DNAI1: variants seen among roughly 807,000 people sequenced by gnomAD.
DNAI1 encodes dynein axonemal intermediate chain 1.
In DNAI1, 67 loss-of-function variants were observed where a neutral mutation model predicts 92.0. The observed-to-expected ratio is 0.73, with a 90% confidence interval of 0.60 to 0.89. The LOEUF is 0.89. Ranked by LOEUF, DNAI1 falls within the 40% of genes least tolerant of loss-of-function variation. The pLI is 0.00. For synonymous variants in DNAI1, 323 were observed against 319.6 expected, an observed-to-expected ratio of 1.01 and a Z score of -0.11; for missense variants, 839 against 866.6, an observed-to-expected ratio of 0.97 and a Z score of 0.40.
At chr9:34,484,330 A>G (rs1275117845) in intron 2 of DNAI1, among the ~76,000 whole-genome samples, 1 of 152,242 alleles carries the variant, frequency 6.6e-6, no homozygotes, top group African/African-American at 2.4e-5. Context: ...AAATTCCTAC[A>G]TGTACAAATT....
intron 9 of DNAI1, 107 bp downstream of exon 9, chr9:34,493,435 T>C: frequency 2.1e-6 from 3 of 1,452,692 alleles, no homozygotes; most frequent in Non-Finnish European, 1.9e-6. Flanking sequence ...GATACTTAAA[T>C]CAGGGACTAA....
rs772104792 is a variant in DNAI1 at position 34,485,122 on chromosome 9, C to T, written c.82-20C>T. ...AAGCAGAAAAGACACTCCCAAGCCT[C>T]ATGTGAGGTTTTTGTCTAGGATGAA... On this transcript the variant is annotated intron_variant, in intron 2 of 19. Transcript: ENST00000242317. 4 of 1,613,260 alleles carry T rather than the reference C, an allele frequency of 2.5e-6. No individual in the cohort carries two copies. The highest frequency in any genetic ancestry group is 2.2e-5 in the East Asian group (1 of 44,894).
At chr9:34,509,447 T>C (rs1169366181) in intron 13 of DNAI1, among the ~76,000 whole-genome samples, 1 of 152,036 alleles carries the variant, frequency 6.6e-6, no homozygotes, top group Non-Finnish European at 1.5e-5. Flanking sequence ...GAGATTAATA[T>C]TAAAAAGAGA....
chr9:34,507,760 T>G (rs1234807149), intron 13 of DNAI1, among the ~76,000 whole-genome samples: 1 of 152,238 alleles, frequency 6.6e-6, no homozygotes. Flanking sequence ...GCTGGTTGCC[T>G]GCCCTCGGGT....
intron 9 of DNAI1, among the ~76,000 whole-genome samples, chr9:34,495,152 A>T (rs182645706): frequency 1.3e-5 from 2 of 152,368 alleles, no homozygotes; most frequent in African/African-American, 2.4e-5. Flanking sequence ...GATCTGAATA[A>T]TTAGGTAGGA....
Position 34,520,539 on chromosome 9 carries a change from T to C in DNAI1, c.2002-119T>C, listed in dbSNP as rs1402536245. The C allele has an allele frequency of 3.3e-6, 3 of 905,616 alleles. No homozygotes were observed. The African/African-American group carries it at 5.0e-5, about 15-fold the overall frequency. The allele number at this position is 905,616 out of a possible 1,614,324, so 56.1% of individuals were successfully genotyped here. The stretch of plus-strand genomic sequence containing the variant: ...GGAGAGGGGAGGCAGGGATCCAGAA[T>C]TTACTGGGCAGGGGAGGGGTAGGGC... On this transcript the variant is annotated intron_variant, in intron 19 of 19. Transcript: ENST00000242317.
At chr9:34,493,819 T>C (rs913905738) in intron 9 of DNAI1, among the ~76,000 whole-genome samples, 1 of 152,176 alleles carries the variant, frequency 6.6e-6, no homozygotes, top group Non-Finnish European at 1.5e-5. Flanking sequence ...CCATAAATGC[T>C]AGGCCAATGG....
At chr9:34,476,669 G>A (rs1444318456) in intron 1 of DNAI1, among the ~76,000 whole-genome samples, 2 of 152,182 alleles carry the variant, frequency 1.3e-5, no homozygotes, top group East Asian at 3.8e-4. Flanking sequence ...CATCATGGTT[G>A]GTAGTATTGA....
chr9:34,520,318 C>T lies in DNAI1; in HGVS notation c.2002-340C>T, dbSNP rs760188355. 3.3e-5 allele frequency among the ~76,000 whole-genome samples: 5 copies of T among 152,204 alleles called. 1 individual carries two copies. The highest frequency in any genetic ancestry group is 1.3e-4 in the Admixed American group (2 of 15,288). ...AGGATGGTGCCAGCAGTCAGCCCCC[C>T]GCCTTCGCAGAGCTGGATTTCCCTG... On this transcript the variant is annotated intron_variant, in intron 19 of 19. Transcript: ENST00000242317.
intron 10 of DNAI1, among the ~76,000 whole-genome samples, chr9:34,498,929 G>A (rs957528105): frequency 9.9e-5 from 15 of 152,194 alleles, no homozygotes; most frequent in East Asian, 1.9e-4. Context: ...CTCACACAGC[G>A]TGGCTTCTTG....
At chr9:34,483,336 C>T in intron 1 of DNAI1, 112 bp from the exon 2 acceptor site, 2 of 1,047,614 alleles carry the variant, frequency 1.9e-6, no homozygotes, top group South Asian at 2.7e-5. Context: ...ACGCTGTCAC[C>T]TCTCACTTTG....
At chr9:34,507,026 G>C in intron 13 of DNAI1, 152 bp downstream of exon 13, 1 of 1,242,412 alleles carries the variant, frequency 8.0e-7, no homozygotes, top group South Asian at 1.4e-5. Flanking sequence ...TCAGAAAAGG[G>C]CAGAAGGTGA....
intron 1 of DNAI1, among the ~76,000 whole-genome samples, chr9:34,467,170 T>A (rs749854563): frequency 3.9e-5 from 6 of 152,328 alleles, no homozygotes; most frequent in Non-Finnish European, 5.9e-5. Context: ...GGAAGGGGCC[T>A]CAGGGGCCTC....
chr9:34,513,023 C>G, intron 15 of DNAI1, 89 bp from the exon 16 acceptor site: 1 of 1,060,168 alleles, frequency 9.4e-7, no homozygotes, highest in East Asian at 2.4e-5. Context: ...CTGAGAGTGC[C>G]TGGGCTGAGC....
At chr9:34,516,193 T>A (rs1825168408) in intron 18 of DNAI1, among the ~76,000 whole-genome samples, 1 of 152,022 alleles carries the variant, frequency 6.6e-6, no homozygotes, top group South Asian at 2.1e-4. Context: ...GCTTGGGGTT[T>A]AAGGAACAGG....
At chr9:34,479,904 C>T (rs1824317400) in intron 1 of DNAI1, among the ~76,000 whole-genome samples, 1 of 152,200 alleles carries the variant, frequency 6.6e-6, no homozygotes, top group Admixed American at 6.5e-5. Flanking sequence ...CCCTCCAACC[C>T]TCTCCCAAAG....
chr9:34,516,005 G>GA (rs1825165078), intron 18 of DNAI1, among the ~76,000 whole-genome samples: 1 of 152,114 alleles, frequency 6.6e-6, no homozygotes, highest in South Asian at 2.1e-4. Flanking sequence ...AAAAGAAAAA[G>GA]AAAAAATAAA....
At chr9:34,520,372 G>C (rs1825251156) in intron 19 of DNAI1, among the ~76,000 whole-genome samples, 1 of 152,202 alleles carries the variant, frequency 6.6e-6, no homozygotes. Flanking sequence ...CTGAGGGTCA[G>C]GGAATGGATG....
chr9:34,466,041 G>T (rs1434961828), intron 1 of DNAI1, among the ~76,000 whole-genome samples: 1 of 152,160 alleles, frequency 6.6e-6, no homozygotes, highest in East Asian at 1.9e-4. Flanking sequence ...ACTCAATCTT[G>T]GTTCCTCTTT....
Sources: allele counts gnomAD v4.1 joint callset (sites outside exome capture counted in the v4.1 genomes callset), GRCh38; gene constraint gnomAD v4.1.1; transcripts MANE v1.5; gene names NCBI Gene and HGNC (gene_info 2026-07-23, HGNC 2026-07-21).